CCNY: variants seen among roughly 807,000 people sequenced by gnomAD.
The protein encoded by CCNY is cyclin Y.
CCNY carries 19 observed loss-of-function variants against 42.8 expected under a neutral mutation model. That is an observed-to-expected ratio of 0.44 (90% CI 0.31 to 0.65). CCNY has a LOEUF of 0.65. CCNY is among the 30% of genes least tolerant of loss of function. CCNY has a pLI of 0.07. For synonymous variants in CCNY, 165 were observed against 162.7 expected, an observed-to-expected ratio of 1.01 and a Z score of -0.11; for missense variants, 370 against 437.3, an observed-to-expected ratio of 0.85 and a Z score of 1.37.
At chr10:35,385,499 G>A (rs1837283413) in intron 1 of CCNY, among the ~76,000 whole-genome samples, 1 of 152,126 alleles carries the variant, frequency 6.6e-6, no homozygotes, top group South Asian at 2.1e-4. Context: ...TAAACTTGAG[G>A]CATAATATCA....
At chr10:35,473,784 G>C (rs981615402) in intron 1 of CCNY, among the ~76,000 whole-genome samples, 6 of 152,046 alleles carry the variant, frequency 3.9e-5, no homozygotes, top group South Asian at 4.2e-4. Flanking sequence ...TGTTCCTTGG[G>C]GGGAGGAGCC....
At chr10:35,499,006 C>T (rs2135387977) in intron 2 of CCNY, among the ~76,000 whole-genome samples, 1 of 152,314 alleles carries the variant, frequency 6.6e-6, no homozygotes, top group Middle Eastern at 3.4e-3. Context: ...CTTCACCATT[C>T]TGATTGCAGC....
intron 4 of CCNY, among the ~76,000 whole-genome samples, chr10:35,517,350 G>T (rs943700555): frequency 6.6e-6 from 1 of 152,168 alleles, no homozygotes; most frequent in Admixed American, 6.5e-5. Flanking sequence ...AAGTACTATA[G>T]AGAACCTGAT....
rs115166263 is a variant in CCNY at position 35,403,741 on chromosome 10, T to A, written c.154+66534T>A. Among the ~76,000 whole-genome samples, 1,034 of 152,208 alleles carry A rather than the reference T, an allele frequency of 6.8e-3. 11 individuals carry two copies. The highest frequency in any genetic ancestry group is 0.024 in the African/African-American group (988 of 41,522). ...TGGTCTCTTTGCAAGAGTGAGGGCT[T>A]GAATTAAGGCAATGAGTTCGGCTTG... is the stretch of plus-strand genomic sequence containing the variant. On this transcript the variant is annotated intron_variant, in intron 1 of 9. Transcript: ENST00000374704.
At chr10:35,309,834 C>G (rs1344370564) in intron 3 of CCNY, among the ~76,000 whole-genome samples, 1 of 152,110 alleles carries the variant, frequency 6.6e-6, no homozygotes, top group Non-Finnish European at 1.5e-5. Flanking sequence ...GAGTCTCGCT[C>G]TGTCGCCCAG....
At chr10:35,513,616 T>C (rs1840366550) in intron 3 of CCNY, among the ~76,000 whole-genome samples, 1 of 152,102 alleles carries the variant, frequency 6.6e-6, no homozygotes, top group Non-Finnish European at 1.5e-5. Flanking sequence ...ACCCATGAGG[T>C]AGGGTCTGTC....
In CCNY at chr10:35,270,738, T is replaced by TC. The variant is rs562296188; in HGVS notation, c.-9+20112_-9+20113insC. Among the ~76,000 whole-genome samples, 165 of 149,548 alleles carry TC rather than the reference T, an allele frequency of 1.1e-3. 1 individual carries two copies. Among genetic ancestry groups the TC allele is most frequent in the African/African-American group, 3.9e-3 (157 of 40,530 alleles). On this transcript the variant is annotated intron_variant, in intron 3 of 11. Transcript: ENST00000374706. ...AGTTCTTTTTTTTTTCTTTTTTTTT[T>TC]TTTTTGAGACAGAGTCTTGCTCTGT...
chr10:35,499,804 A>G (rs1008829303), intron 2 of CCNY, among the ~76,000 whole-genome samples: 17 of 152,218 alleles, frequency 1.1e-4, no homozygotes, highest in South Asian at 2.1e-4. Flanking sequence ...TCTGTGGCCC[A>G]TGTAGAAAGG....
chr10:35,403,251 G>A (rs930670754), intron 1 of CCNY, among the ~76,000 whole-genome samples: 3 of 152,126 alleles, frequency 2.0e-5, no homozygotes, highest in Admixed American at 6.5e-5. Context: ...TCTAAGAGAC[G>A]GGCTAGTGGC....
At chr10:35,261,050 A>G (rs1303617028) in intron 3 of CCNY, among the ~76,000 whole-genome samples, 1 of 152,070 alleles carries the variant, frequency 6.6e-6, no homozygotes, top group Non-Finnish European at 1.5e-5. Context: ...AGTTGAGGCC[A>G]CAGTGAGCCG....
intron 1 of CCNY, among the ~76,000 whole-genome samples, chr10:35,417,962 C>G (rs1375420041): frequency 6.6e-6 from 1 of 152,144 alleles, no homozygotes; most frequent in African/African-American, 2.4e-5. Context: ...TCAGCTGGTA[C>G]CATTTCCAGT....
chr10:35,543,302 G>A (rs549068021), intron 7 of CCNY, among the ~76,000 whole-genome samples: 2 of 152,320 alleles, frequency 1.3e-5, no homozygotes, highest in South Asian at 4.1e-4. Flanking sequence ...GCAAAAAGGG[G>A]AGGGCCCATG....
intron 1 of CCNY, among the ~76,000 whole-genome samples, chr10:35,377,495 C>T (rs575748146): frequency 1.4e-4 from 21 of 152,270 alleles, no homozygotes; most frequent in Admixed American, 5.2e-4. Context: ...GTGAAGTAGG[C>T]TATGACTATC....
chr10:35,477,295 G>A (rs1336420755), intron 1 of CCNY, among the ~76,000 whole-genome samples: 2 of 151,864 alleles, frequency 1.3e-5, no homozygotes, highest in Non-Finnish European at 2.9e-5. Flanking sequence ...TATGAGGCCA[G>A]CATCATTCTG....
At chr10:35,353,160 C>T (rs1222143460) in intron 1 of CCNY, among the ~76,000 whole-genome samples, 1 of 152,162 alleles carries the variant, frequency 6.6e-6, no homozygotes, top group African/African-American at 2.4e-5. Context: ...CTCCTGGGCT[C>T]AAGTGATCCT....
At chr10:35,501,414 C>T (rs892795066) in intron 2 of CCNY, 87 bp from the exon 3 acceptor site, 1 of 1,120,136 alleles carries the variant, frequency 8.9e-7, no homozygotes, top group South Asian at 1.2e-5. Context: ...AGGACGGGAC[C>T]ACGACACAGA....
chr10:35,325,945 T>C (rs1219351162), intron 3 of CCNY, among the ~76,000 whole-genome samples: 1 of 151,962 alleles, frequency 6.6e-6, no homozygotes, highest in Admixed American at 6.6e-5. Flanking sequence ...TGGTGGCACA[T>C]GCCCGTGGTC....
At chr10:35,429,071 T>G (rs1315824873) in intron 1 of CCNY, among the ~76,000 whole-genome samples, 2 of 152,258 alleles carry the variant, frequency 1.3e-5, no homozygotes, top group African/African-American at 2.4e-5. Flanking sequence ...GTGTTTCTAG[T>G]CACCTTCTAC....
At chr10:35,477,277 A>T (rs189216780) in intron 1 of CCNY, among the ~76,000 whole-genome samples, 7,506 of 152,002 alleles carry the variant, frequency 0.049, 531 homozygotes, top group African/African-American at 0.16. Context: ...ATCCTCCCTA[A>T]CTCATTTTAT....
Sources: gnomAD v4.1 joint callset for allele counts (sites outside exome capture counted in the v4.1 genomes callset) on GRCh38, gnomAD v4.1.1 for gene constraint, MANE v1.5 for transcripts, NCBI Gene and HGNC (gene_info 2026-07-23, HGNC 2026-07-21) for gene names.